TMEM132B: variants seen among roughly 807,000 people sequenced by gnomAD.
TMEM132B encodes transmembrane protein 132B.
In TMEM132B, 18 loss-of-function variants were observed where a neutral mutation model predicts 90.8. That is an observed-to-expected ratio of 0.20 (90% confidence interval 0.14 to 0.29). TMEM132B has a LOEUF of 0.29. TMEM132B is among the 10% of genes least tolerant of loss of function. The pLI is 1.00. For synonymous variants in TMEM132B, 504 were observed against 523.3 expected, an observed-to-expected ratio of 0.96 and a Z score of 0.50; for missense variants, 1,096 against 1,326.8, an observed-to-expected ratio of 0.83 and a Z score of 2.70.
At chr12:125,454,595 A>G (rs1881243037) in intron 3 of TMEM132B, among the ~76,000 whole-genome samples, 1 of 152,232 alleles carries the variant, frequency 6.6e-6, no homozygotes, top group South Asian at 2.1e-4. Context: ...TTAGCGCTCA[A>G]AAGAGAAAAC....
At position 125,243,010 on chromosome 12, in the gene TMEM132B, C is replaced by CATATATATATATAT. The variant is rs763167605; in HGVS notation, c.67+56154_67+56167dup. Among the ~76,000 whole-genome samples, 142 of 109,300 alleles carry CATATATATATATAT rather than the reference C, an allele frequency of 1.3e-3. 3 individuals are homozygous for CATATATATATATAT. The highest frequency in any genetic ancestry group is 4.2e-3 in the African/African-American group (114 of 27,216). The allele number at this position is 109,300 out of a possible 152,430, so 71.7% of individuals were successfully genotyped here. On this transcript the variant is annotated intron_variant, in intron 1 of 8. Transcript: ENST00000682704. ...TCTTTTCTCTTTCTCTCTCTTTCTT[C>CATATATATATATAT]ATATATATATATATATATATATACA...
intron 3 of TMEM132B, among the ~76,000 whole-genome samples, chr12:125,511,979 TAG>T (rs1882994288): frequency 6.6e-6 from 1 of 152,020 alleles, no homozygotes; most frequent in African/African-American, 2.4e-5. Context: ...AGCCCATGGC[TAG>T]AGATTGGGTC....
At chr12:125,447,062 A>G (rs1213413391) in intron 3 of TMEM132B, among the ~76,000 whole-genome samples, 1 of 152,194 alleles carries the variant, frequency 6.6e-6, no homozygotes, top group Non-Finnish European at 1.5e-5. Context: ...TATGTGGCAT[A>G]TATATTTTTT....
At chr12:125,336,432 A>G (rs192048912) in intron 1 of TMEM132B, among the ~76,000 whole-genome samples, 39 of 152,314 alleles carry the variant, frequency 2.6e-4, no homozygotes, top group African/African-American at 8.9e-4. Context: ...ACACTGCTTC[A>G]CTGCTGGATC....
chr12:125,503,997 C>T (rs935940341), intron 3 of TMEM132B, among the ~76,000 whole-genome samples: 3 of 152,264 alleles, frequency 2.0e-5, no homozygotes, highest in African/African-American at 7.2e-5. Context: ...AGAAAGATTT[C>T]GAGGCTGTTG....
chr12:125,402,391 G>A (rs1211404536), intron 2 of TMEM132B, among the ~76,000 whole-genome samples: 3 of 152,094 alleles, frequency 2.0e-5, no homozygotes, highest in Non-Finnish European at 2.9e-5. Flanking sequence ...GGGCCAGGCT[G>A]GTCCTGAACT....
intron 2 of TMEM132B, among the ~76,000 whole-genome samples, chr12:125,414,907 C>T (rs1879966825): frequency 6.6e-6 from 1 of 152,224 alleles, no homozygotes; most frequent in African/African-American, 2.4e-5. Flanking sequence ...GTGAACTCTC[C>T]TTGGCCTTTT....
At chr12:125,308,761 A>G (rs534134936) in intron 1 of TMEM132B, among the ~76,000 whole-genome samples, 11 of 150,492 alleles carry the variant, frequency 7.3e-5, no homozygotes, top group Non-Finnish European at 1.6e-4. Context: ...GTCTTTTATT[A>G]TTTTGTAAAA....
At chr12:125,250,925 T>G (rs1874304105) in intron 1 of TMEM132B, among the ~76,000 whole-genome samples, 1 of 152,250 alleles carries the variant, frequency 6.6e-6, no homozygotes, top group Non-Finnish European at 1.5e-5. Flanking sequence ...CAGCACACTG[T>G]GCACACAACT....
At chr12:125,359,971 G>C (rs904541503) in intron 2 of TMEM132B, among the ~76,000 whole-genome samples, 4 of 152,150 alleles carry the variant, frequency 2.6e-5, no homozygotes, top group Non-Finnish European at 5.9e-5. Flanking sequence ...CCAGCTACTT[G>C]GGAGGCTGAG....
intron 5 of TMEM132B, among the ~76,000 whole-genome samples, chr12:125,608,031 A>G (rs1189140187): frequency 1.3e-5 from 2 of 152,244 alleles, no homozygotes; most frequent in African/African-American, 4.8e-5. Flanking sequence ...GAGTTTTATG[A>G]ATAAAGTCAC....
chr12:125,317,497 G>A (rs1049662076), intron 1 of TMEM132B, among the ~76,000 whole-genome samples: 3 of 152,074 alleles, frequency 2.0e-5, no homozygotes, highest in Non-Finnish European at 4.4e-5. Context: ...GCCTTTTCCT[G>A]GGCTGGGGGC....
chr12:125,384,523 T>C (rs1217360344), intron 2 of TMEM132B, among the ~76,000 whole-genome samples: 1 of 152,238 alleles, frequency 6.6e-6, no homozygotes, highest in Non-Finnish European at 1.5e-5. Context: ...CACATACTTA[T>C]TTTTTGTGGT....
At chr12:125,489,557 C>T (rs1309001515) in intron 3 of TMEM132B, among the ~76,000 whole-genome samples, 1 of 151,990 alleles carries the variant, frequency 6.6e-6, no homozygotes, top group Non-Finnish European at 1.5e-5. Flanking sequence ...CAGACGTATG[C>T]CACCAAACCC....
rs1404120870 is a variant in TMEM132B at position 125,460,392 on chromosome 12, T to A, written c.1106+44715T>A. ...CTGTAATCTCAGCTACTCAGGAGGC[T>A]GAGGCAGGACAATTGCTTGAACCCA... On this transcript the variant is annotated intron_variant, in intron 3 of 8. Coordinates refer to ENST00000682704, the MANE Select transcript of TMEM132B (RefSeq NM_001366854.1). The surrounding 1 kb of genome is among the most constrained non-coding windows in gnomAD (Gnocchi z 4.4). Among the ~76,000 whole-genome samples the A allele has an allele frequency of 1.3e-5, 2 of 152,098 alleles. No homozygotes were observed. Among genetic ancestry groups the A allele is most frequent in the African/African-American group, 4.8e-5 (2 of 41,424 alleles).
chr12:125,191,820 G>A (rs917618220), intron 1 of TMEM132B, among the ~76,000 whole-genome samples: 10 of 140,292 alleles, frequency 7.1e-5, no homozygotes, highest in African/African-American at 2.5e-4. Flanking sequence ...CTGGAATACT[G>A]GTTTATCCCC....
chr12:125,555,592 A>G (rs1286465971), intron 4 of TMEM132B, among the ~76,000 whole-genome samples: 2 of 149,030 alleles, frequency 1.3e-5, no homozygotes, highest in African/African-American at 4.9e-5. Context: ...GAGGGATAGC[A>G]TTAGGAGATA....
In TMEM132B at chr12:125,213,414, G is replaced by C. The variant is rs1873366085; in HGVS notation, c.67+26548G>C. 6.6e-6 allele frequency among the ~76,000 whole-genome samples: 1 copy of C among 152,196 alleles called. No individual in the cohort carries two copies. The highest frequency in any genetic ancestry group is 2.4e-5 in the African/African-American group (1 of 41,434). ...TGTACAAGTATTTGTTTGAGCACCTGTTTTCATTCTTTCTGGTATACCTGG... is the reference window on the plus strand; with the variant it reads ...TGTACAAGTATTTGTTTGAGCACCTCTTTTCATTCTTTCTGGTATACCTGG... On this transcript the variant is annotated intron_variant, in intron 1 of 8. Coordinates refer to ENST00000682704, the MANE Select transcript of TMEM132B (RefSeq NM_001366854.1). The surrounding 1 kb of genome is among the most constrained non-coding windows in gnomAD (Gnocchi z 4.2).
chr12:125,416,785 A>G lies in TMEM132B; in HGVS notation c.1106+1108A>G, dbSNP rs533756120. Among the ~76,000 whole-genome samples the G allele has an allele frequency of 1.2e-4, 19 of 152,206 alleles. No individual in the cohort carries two copies. In the South Asian group the frequency reaches 3.3e-3, roughly 27 times the overall value. ...CTGGATGCCTCTTACTCTAAACTCT[A>G]CGTTCCAGTCATCATTCTCTACATC... is the stretch of plus-strand genomic sequence containing the variant. On this transcript the variant is annotated intron_variant, in intron 3 of 8. Coordinates refer to ENST00000682704, the MANE Select transcript of TMEM132B (RefSeq NM_001366854.1).
Sources: allele counts gnomAD v4.1 joint callset (sites outside exome capture counted in the v4.1 genomes callset), GRCh38; gene constraint gnomAD v4.1.1; non-coding constraint Gnocchi (gnomAD v3.1); transcripts MANE v1.5; gene names NCBI Gene and HGNC (gene_info 2026-07-23, HGNC 2026-07-21).